PTPRJ: variants seen among roughly 807,000 people sequenced by gnomAD.
PTPRJ encodes receptor-type tyrosine-protein phosphatase eta.
A neutral mutation model predicts 141.3 loss-of-function variants in PTPRJ; 129 were observed. The ratio of observed to expected loss-of-function variants is 0.91; its 90% CI spans 0.79 to 1.06. The LOEUF is 1.06. Among genes scored for constraint, PTPRJ ranks in the 50% least tolerant of loss-of-function variants. The pLI is 0.00. For synonymous variants in PTPRJ, 610 were observed against 640.5 expected (o/e 0.95, Z 0.72); for missense variants, 1,601 against 1,679.7 (o/e 0.95, Z 0.82).
At position 48,170,019 on chromosome 11, in the gene PTPRJ, G is replaced by C. The variant is rs1430018227; in HGVS notation, c.*2657G>C. The C allele has an allele frequency of 1.3e-5, 2 of 152,180 alleles. No homozygotes were observed. The highest frequency in any genetic ancestry group is 2.9e-5 in the Non-Finnish European group (2 of 68,056). The allele number at this position is 152,180 out of a possible 1,614,324, so 9.4% of individuals were successfully genotyped here. ...AAATATAAAGGACACACAGGCTGGGGGTTGGTCAGAGGCAAGAGGAGGGTG... is the reference window on the plus strand; with the variant it reads ...AAATATAAAGGACACACAGGCTGGGCGTTGGTCAGAGGCAAGAGGAGGGTG... On this transcript the variant is annotated 3_prime_UTR_variant, in exon 25 of 25. Coordinates refer to ENST00000418331, the MANE Select transcript of PTPRJ (RefSeq NM_002843.4).
intron 1 of PTPRJ, among the ~76,000 whole-genome samples, chr11:48,063,797 A>C (rs1855003576): frequency 6.6e-6 from 1 of 152,160 alleles, no homozygotes; most frequent in Non-Finnish European, 1.5e-5. Context: ...TGATCTGGGG[A>C]AGGAGGTTCC....
intron 1 of PTPRJ, among the ~76,000 whole-genome samples, chr11:48,012,231 A>G (rs1197656665): frequency 6.6e-6 from 1 of 152,018 alleles, no homozygotes; most frequent in Non-Finnish European, 1.5e-5. Context: ...GCAGCCTTGC[A>G]GATCAGCTAG....
At chr11:48,079,831 G>A (rs984742914) in intron 1 of PTPRJ, among the ~76,000 whole-genome samples, 3 of 152,124 alleles carry the variant, frequency 2.0e-5, no homozygotes, top group Non-Finnish European at 2.9e-5. Flanking sequence ...CTACAGTCCC[G>A]TGCCTGCTTC....
Position 48,021,259 on chromosome 11 carries a change from A to G in PTPRJ, c.96+40251A>G, listed in dbSNP as rs374660372. On this transcript the variant is annotated intron_variant, in intron 1 of 24. Coordinates refer to ENST00000418331, the MANE Select transcript of PTPRJ (RefSeq NM_002843.4). The stretch of plus-strand genomic sequence containing the variant: ...CGTGTTGGCATGTGCCTGTAATCCC[A>G]GCTACTGGGGAGGCTGAGGCAGGAG... 3.0e-4 allele frequency among the ~76,000 whole-genome samples: 45 copies of G among 152,242 alleles called. No homozygotes were observed. The South Asian group carries it at 9.3e-3, about 32-fold the overall frequency.
At position 48,127,973 on chromosome 11, in the gene PTPRJ, C is replaced by G. The variant is rs1170029189; in HGVS notation, c.1287C>G (p.Phe429Leu). ...AVIPGLRSST[F>L]YNITVCPVLG... ...TCCCCGGACTCCGCTCCAGCACCTT[C>G]TACAACATCACAGTGTGTCCTGTCC... The change falls in exon 7 of 25, where the codon TTC becomes TTG. Residue 429 changes from phenylalanine (F) to leucine (L), a missense_variant. Physicochemically the swap from Phe to Leu is conservative, Grantham distance 22. Coordinates refer to ENST00000418331, the MANE Select transcript of PTPRJ (RefSeq NM_002843.4). 6.2e-7 allele frequency: 1 copy of G among 1,614,098 alleles called. No homozygotes were observed. Among genetic ancestry groups the G allele is most frequent in the Non-Finnish European group, 8.5e-7 (1 of 1,180,026 alleles).
intron 2 of PTPRJ, among the ~76,000 whole-genome samples, chr11:48,111,664 A>G (rs1565308446): frequency 6.6e-6 from 1 of 152,100 alleles, no homozygotes; most frequent in African/African-American, 2.4e-5. Flanking sequence ...TCAAACATCT[A>G]CCGTAGGTAG....
chr11:47,982,855 C>T (rs1853947098), intron 1 of PTPRJ, among the ~76,000 whole-genome samples: 1 of 151,872 alleles, frequency 6.6e-6, no homozygotes, highest in Non-Finnish European at 1.5e-5. Context: ...TTTCCTTCCT[C>T]TATGGTTTGT....
intron 1 of PTPRJ, among the ~76,000 whole-genome samples, chr11:48,035,835 T>G (rs963520596): frequency 4.6e-5 from 7 of 152,178 alleles, no homozygotes; most frequent in African/African-American, 1.7e-4. Context: ...AGAGTAAGCC[T>G]ATTGCTTTCT....
Position 48,156,128 on chromosome 11 carries a change from C to T in PTPRJ, c.3438+9C>T, listed in dbSNP as rs1857593414. ...GTGTTGAACAGGGAAGAGTAAGTAT[C>T]TTTTTTAGTTTTTAAAATTTAAAAT... On this transcript the variant is annotated intron_variant, in intron 21 of 24. Coordinates refer to ENST00000418331, the MANE Select transcript of PTPRJ (RefSeq NM_002843.4). The T allele has an allele frequency of 1.3e-6, 2 of 1,555,996 alleles. No individual in the cohort carries two copies. The highest frequency in any genetic ancestry group is 8.8e-7 in the Non-Finnish European group (1 of 1,138,146).
rs1397353583 is a variant in PTPRJ, at chr11:48,154,768, A to G, written c.3229+882A>G. ...TATTTCCTTGTACTTGACAAGGAGTATTGGCCCATGTTCTGAGGGAAATGC... is the reference window on the plus strand; with the variant it reads ...TATTTCCTTGTACTTGACAAGGAGTGTTGGCCCATGTTCTGAGGGAAATGC... On this transcript the variant is annotated intron_variant, in intron 19 of 24. Coordinates refer to ENST00000418331, the MANE Select transcript of PTPRJ (RefSeq NM_002843.4). Among the ~76,000 whole-genome samples, 4 of 152,286 alleles carry G rather than the reference A, an allele frequency of 2.6e-5. No individual in the cohort carries two copies. In the East Asian group the frequency reaches 5.8e-4, roughly 22 times the overall value.
chr11:48,082,114 C>G (rs542262028), intron 1 of PTPRJ, among the ~76,000 whole-genome samples: 21 of 152,198 alleles, frequency 1.4e-4, no homozygotes, highest in Admixed American at 3.9e-4. Flanking sequence ...AAGCGTCAGT[C>G]CCATCTCTCT....
chr11:48,080,211 G>A (rs147726992), intron 1 of PTPRJ, among the ~76,000 whole-genome samples: 222 of 152,294 alleles, frequency 1.5e-3, no homozygotes, highest in African/African-American at 4.8e-3. Flanking sequence ...AAAGCCGGTT[G>A]GTACTGGAAC....
chr11:48,053,930 C>CT (rs11290681), intron 1 of PTPRJ, among the ~76,000 whole-genome samples: 9 of 93,920 alleles, frequency 9.6e-5, no homozygotes, highest in East Asian at 5.8e-4. Flanking sequence ...GCACCTCGTT[C>CT]TTTTTTTTTT....
intron 22 of PTPRJ, 100 bp downstream of exon 22, chr11:48,160,149 G>A: frequency 1.4e-6 from 2 of 1,477,036 alleles, no homozygotes; most frequent in Non-Finnish European, 1.9e-6. Context: ...GTTTTCCTAT[G>A]CAGTGAGAAA....
chr11:48,030,104 G>T (rs1304518847), intron 1 of PTPRJ, among the ~76,000 whole-genome samples: 1 of 152,200 alleles, frequency 6.6e-6, no homozygotes, highest in Non-Finnish European at 1.5e-5. Flanking sequence ...TAATTTGTAG[G>T]AATGTTGGAT....
chr11:48,018,039 A>T (rs1256217353), intron 1 of PTPRJ, among the ~76,000 whole-genome samples: 2 of 152,244 alleles, frequency 1.3e-5, no homozygotes, highest in Admixed American at 6.5e-5. Context: ...TTCATTTCTG[A>T]TGATAAAAAT....
At chr11:47,982,817 C>A (rs7946766) in intron 1 of PTPRJ, among the ~76,000 whole-genome samples, 1 of 151,830 alleles carries the variant, frequency 6.6e-6, no homozygotes, top group Non-Finnish European at 1.5e-5. Context: ...AGCATATTGC[C>A]ACTCTACACT....
chr11:48,160,248 C>A (rs1454832932), intron 22 of PTPRJ, among the ~76,000 whole-genome samples, 199 bp downstream of exon 22: 1 of 152,314 alleles, frequency 6.6e-6, no homozygotes, highest in Non-Finnish European at 1.5e-5. Flanking sequence ...AATTTACTTT[C>A]TTGGGAATAA....
At chr11:48,084,815 G>C (rs182725201) in intron 1 of PTPRJ, among the ~76,000 whole-genome samples, 40 of 152,248 alleles carry the variant, frequency 2.6e-4, no homozygotes, top group Middle Eastern at 3.4e-3. Flanking sequence ...ATCTTGAGGG[G>C]ATTGCCTTTT....
Sources: allele counts gnomAD v4.1 joint callset (sites outside exome capture counted in the v4.1 genomes callset), GRCh38; gene constraint gnomAD v4.1.1; transcripts MANE v1.5; gene names NCBI Gene and HGNC (gene_info 2026-07-23, HGNC 2026-07-21).